Variants in RIGI observed in about 807,000 individuals in gnomAD.
The protein encoded by RIGI is antiviral innate immune response receptor RIG-I.
At chr9:32,488,012 G>A in the RIGI span, 27 of 1,613,792 alleles carry the variant, frequency 1.7e-5, no homozygotes, top group South Asian at 2.2e-5. Flanking sequence ...CATATTGTAC[G>A]GGTGTTGTTT....
the RIGI span, among the ~76,000 whole-genome samples, chr9:32,497,893 C>A: frequency 6.6e-6 from 1 of 152,162 alleles, no homozygotes; most frequent in Non-Finnish European, 1.5e-5. Flanking sequence ...CAATACTAAA[C>A]CTTATTCAAT....
chr9:32,457,725 A>C, the RIGI span, among the ~76,000 whole-genome samples: 7 of 152,278 alleles, frequency 4.6e-5, no homozygotes, highest in South Asian at 1.4e-3. Flanking sequence ...TTATTCAAAA[A>C]CAGAAGCGAT....
At chr9:32,461,284 C>A in the RIGI span, among the ~76,000 whole-genome samples, 26 of 152,176 alleles carry the variant, frequency 1.7e-4, no homozygotes, top group Non-Finnish European at 3.5e-4. Flanking sequence ...GCAGATTTAC[C>A]CTAAAAGAAT....
the RIGI span, among the ~76,000 whole-genome samples, chr9:32,507,825 TTA>T: frequency 6.6e-6 from 1 of 152,104 alleles, no homozygotes; most frequent in Non-Finnish European, 1.5e-5. Flanking sequence ...TTTTTATTTT[TTA>T]TGTTATTAGA....
chr9:32,458,000 T>A, the RIGI span, among the ~76,000 whole-genome samples: 1 of 152,172 alleles, frequency 6.6e-6, no homozygotes, highest in Non-Finnish European at 1.5e-5. Flanking sequence ...AAAGGACCTT[T>A]TACAGCTAAA....
chr9:32,493,940 A>T, the RIGI span: 2 of 1,578,090 alleles, frequency 1.3e-6, no homozygotes, highest in Non-Finnish European at 1.7e-6. Context: ...AGTCCAGAAT[A>T]ACCTGAAAAA....
chr9:32,525,377 G>A, the RIGI span, among the ~76,000 whole-genome samples: 1 of 152,188 alleles, frequency 6.6e-6, no homozygotes, highest in African/African-American at 2.4e-5. Flanking sequence ...ACCACGCCCG[G>A]CCTCATCGAT....
chr9:32,521,829 A>G, the RIGI span, among the ~76,000 whole-genome samples: 1 of 152,120 alleles, frequency 6.6e-6, no homozygotes, highest in African/African-American at 2.4e-5. Context: ...TTATTATGTT[A>G]AATTGTTGTA....
At chr9:32,510,195 C>A in the RIGI span, among the ~76,000 whole-genome samples, 1 of 152,110 alleles carries the variant, frequency 6.6e-6, no homozygotes, top group Non-Finnish European at 1.5e-5. Context: ...ACGTCCCCAA[C>A]CTAGCAATAC....
the RIGI span, chr9:32,498,315 C>G: frequency 2.2e-6 from 1 of 456,576 alleles, no homozygotes; most frequent in Non-Finnish European, 4.4e-6. Flanking sequence ...AGCTCACCTG[C>G]CCAGGTGCAT....
chr9:32,462,870 T>C, the RIGI span, among the ~76,000 whole-genome samples: 1 of 152,172 alleles, frequency 6.6e-6, no homozygotes, highest in Non-Finnish European at 1.5e-5. Context: ...AAAACAAATA[T>C]ACTGGCTGGG....
the RIGI span, chr9:32,456,915 T>A: frequency 1.9e-6 from 1 of 536,110 alleles, no homozygotes; most frequent in Non-Finnish European, 3.3e-6. Flanking sequence ...TCCCAAGTAC[T>A]ATGAGCTCTG....
At chr9:32,473,794 G>A in the RIGI span, among the ~76,000 whole-genome samples, 2 of 152,100 alleles carry the variant, frequency 1.3e-5, no homozygotes, top group African/African-American at 2.4e-5. Context: ...TTGGGAGGCC[G>A]AGGCAGGAGA....
chr9:32,463,284 T>C, the RIGI span, among the ~76,000 whole-genome samples: 1 of 152,246 alleles, frequency 6.6e-6, no homozygotes, highest in Non-Finnish European at 1.5e-5. Flanking sequence ...TTACATTATA[T>C]GTATTTATCC....
chr9:32,508,118 G>A, the RIGI span, among the ~76,000 whole-genome samples: 1 of 151,672 alleles, frequency 6.6e-6, no homozygotes, highest in African/African-American at 2.4e-5. Context: ...AGAAGCAAGT[G>A]GAAAATGGTA....
the RIGI span, among the ~76,000 whole-genome samples, chr9:32,472,621 T>C: frequency 2.0e-5 from 3 of 152,226 alleles, no homozygotes; most frequent in African/African-American, 7.2e-5. Context: ...AAACAGCTCA[T>C]GTCTGGGGGG....
the RIGI span, chr9:32,488,064 T>C: frequency 2.5e-6 from 4 of 1,614,154 alleles, no homozygotes; most frequent in Non-Finnish European, 3.4e-6. Context: ...AAAGTAAAGA[T>C]GGATAGTGAT....
chr9:32,488,709 A>T, the RIGI span: 1 of 1,502,992 alleles, frequency 6.7e-7, no homozygotes, highest in Non-Finnish European at 8.9e-7. Flanking sequence ...GGAGAAAAAG[A>T]AGTTGAAGCA....
chr9:32,460,457 C>A, the RIGI span, among the ~76,000 whole-genome samples: 1 of 150,994 alleles, frequency 6.6e-6, no homozygotes, highest in Admixed American at 6.6e-5. Context: ...CTCTTCATAC[C>A]AATAAACAGA....
Sources: allele counts gnomAD v4.1 joint callset (sites outside exome capture counted in the v4.1 genomes callset), GRCh38; gene constraint gnomAD v4.1.1; transcripts MANE v1.5; gene names NCBI Gene and HGNC (gene_info 2026-07-23, HGNC 2026-07-21).